DCLK2: variants seen among roughly 807,000 people sequenced by gnomAD.
The protein encoded by DCLK2 is doublecortin like kinase 2, also known as serine/threonine-protein kinase DCLK2.
Under a neutral mutation model 78.4 loss-of-function variants are expected in DCLK2, and 31 were observed. The observed-to-expected ratio is 0.40, with a 90% confidence interval of 0.30 to 0.53. DCLK2 has a LOEUF of 0.53. DCLK2 is among the 20% of genes least tolerant of loss of function. DCLK2 has a pLI of 0.61. For synonymous variants in DCLK2, 407 were observed against 374.9 expected (o/e 1.09, Z -0.99); for missense variants, 872 against 973.7 (o/e 0.90, Z 1.39).
intron 12 of DCLK2, among the ~76,000 whole-genome samples, chr4:150,242,971 A>T (rs890173031): frequency 6.6e-6 from 1 of 152,126 alleles, no homozygotes; most frequent in South Asian, 2.1e-4. Context: ...GGCCAGTTAC[A>T]GTGGAGTTCC....
intron 10 of DCLK2, 25 bp from the exon 11 acceptor site, chr4:150,239,717 G>GA (rs1560900783): frequency 6.2e-7 from 1 of 1,609,688 alleles, no homozygotes; most frequent in Admixed American, 1.7e-5. Flanking sequence ...AAAATCTTCT[G>GA]ATTGTTGGCT....
At chr4:150,163,454 C>A (rs1735851933) in intron 2 of DCLK2, among the ~76,000 whole-genome samples, 1 of 152,088 alleles carries the variant, frequency 6.6e-6, no homozygotes, top group Non-Finnish European at 1.5e-5. Context: ...AAATATCATT[C>A]ATTCCCTTTT....
At chr4:150,208,174 G>A (rs1739989966) in intron 5 of DCLK2, among the ~76,000 whole-genome samples, 1 of 152,176 alleles carries the variant, frequency 6.6e-6, no homozygotes, top group Admixed American at 6.5e-5. Flanking sequence ...GGACAGGGAG[G>A]GAAGCCCAAG....
At chr4:150,142,285 G>A (rs554010341) in intron 2 of DCLK2, among the ~76,000 whole-genome samples, 43 of 152,206 alleles carry the variant, frequency 2.8e-4, no homozygotes, top group Non-Finnish European at 4.9e-4. Context: ...AGTGTCTTAG[G>A]TAGTGTCATC....
At chr4:150,124,335 T>A (rs142559721) in intron 2 of DCLK2, among the ~76,000 whole-genome samples, 13 of 152,312 alleles carry the variant, frequency 8.5e-5, no homozygotes, top group Admixed American at 2.0e-4. Context: ...ATTTAAAATT[T>A]TCTTTTTTTG....
At chr4:150,116,426 A>G (rs1732100015) in intron 2 of DCLK2, among the ~76,000 whole-genome samples, 2 of 152,194 alleles carry the variant, frequency 1.3e-5, no homozygotes, top group South Asian at 4.1e-4. Flanking sequence ...CGGAAAGTTC[A>G]GGGACTCAAG....
chr4:150,080,290 A>G (rs1729159859), intron 1 of DCLK2, among the ~76,000 whole-genome samples: 1 of 152,214 alleles, frequency 6.6e-6, no homozygotes. Flanking sequence ...GACTTATTAA[A>G]AATTAGTAAT....
Position 150,079,006 on chromosome 4 carries a change from G to A in DCLK2, c.-22G>A, listed in dbSNP as rs764861127. 6.6e-7 allele frequency: 1 copy of A among 1,508,758 alleles called. No homozygotes were observed. Among genetic ancestry groups the A allele is most frequent in the Non-Finnish European group, 8.8e-7 (1 of 1,132,126 alleles). 93.5% of individuals were successfully genotyped at this position (1,508,758 alleles called of 1,614,324 possible). On this transcript the variant is annotated 5_prime_UTR_variant, in exon 1 of 16. Coordinates refer to ENST00000296550, the MANE Select transcript of DCLK2 (RefSeq NM_001040260.4). ...TAGTCGGCCCGGAACGTCTTTTTGC[G>A]GACGCCCTCGGAGCAGCCGCGATGG...
At chr4:150,143,096 G>C (rs1314203911) in intron 2 of DCLK2, among the ~76,000 whole-genome samples, 2 of 152,094 alleles carry the variant, frequency 1.3e-5, no homozygotes, top group East Asian at 3.8e-4. Context: ...TATCCATGTG[G>C]CTGCAAAGGA....
chr4:150,250,854 A>ATC (rs1220019174), intron 15 of DCLK2, among the ~76,000 whole-genome samples: 1 of 137,810 alleles, frequency 7.3e-6, no homozygotes. Context: ...CATAACCCAC[A>ATC]TCCCCACACC....
intron 2 of DCLK2, among the ~76,000 whole-genome samples, chr4:150,113,381 T>G (rs748659917): frequency 6.6e-6 from 1 of 152,166 alleles, no homozygotes; most frequent in African/African-American, 2.4e-5. Context: ...CCTAGGTTTT[T>G]TTGTTGTTGT....
At chr4:150,149,100 A>T (rs781332005) in intron 2 of DCLK2, among the ~76,000 whole-genome samples, 17 of 151,810 alleles carry the variant, frequency 1.1e-4, no homozygotes, top group Non-Finnish European at 1.6e-4. Context: ...AAGAAAAGAA[A>T]GAAAGAAAGA....
intron 2 of DCLK2, among the ~76,000 whole-genome samples, chr4:150,132,162 C>T (rs980536297): frequency 1.3e-5 from 2 of 152,292 alleles, no homozygotes; most frequent in Middle Eastern, 3.4e-3. Flanking sequence ...CTGCTATCCC[C>T]TCCTCTTCAC....
At chr4:150,187,365 CTG>C (rs1033620739) in intron 2 of DCLK2, among the ~76,000 whole-genome samples, 4 of 152,188 alleles carry the variant, frequency 2.6e-5, no homozygotes, top group Admixed American at 6.5e-5. Flanking sequence ...TGCTGGTAGA[CTG>C]TGTTCTTTAA....
chr4:150,178,868 C>T (rs973247243), intron 2 of DCLK2, among the ~76,000 whole-genome samples: 7 of 152,096 alleles, frequency 4.6e-5, no homozygotes, highest in African/African-American at 9.7e-5. Context: ...TCTTTCTAAG[C>T]TCACAAATGT....
At chr4:150,081,514 C>A (rs1351716635) in intron 1 of DCLK2, among the ~76,000 whole-genome samples, 1 of 147,320 alleles carries the variant, frequency 6.8e-6, no homozygotes, top group East Asian at 1.9e-4. Flanking sequence ...AGTTGCACAG[C>A]CAAAATTTTT....
At position 150,203,817 on chromosome 4, in the gene DCLK2, A is replaced by C; in HGVS notation, c.984A>C (p.Gln328His). 6.2e-7 allele frequency: 1 copy of C among 1,613,986 alleles called. No individual in the cohort carries two copies. The highest frequency in any genetic ancestry group is 8.5e-7 in the Non-Finnish European group (1 of 1,179,944). ...PASVNGTPSS[Q>H]LSTPKSTKSS... ...CAGTTAATGGAACTCCCAGCAGCCA[A>C]CTTTCTACTCCTAAATCTACGAAAT... Residue 328 changes from glutamine (Q) to histidine (H), a missense_variant, in exon 5 of 16, where the codon CAA becomes CAC. Physicochemically the swap from Gln to His is conservative, Grantham distance 24. Transcript: ENST00000296550.
rs552151557 is a variant in DCLK2, at chr4:150,163,267, A to T, written c.757-29871A>T. 7.2e-5 allele frequency among the ~76,000 whole-genome samples: 11 copies of T among 152,234 alleles called. No homozygotes were observed. The South Asian group carries it at 2.3e-3, about 32-fold the overall frequency. ...ACAAAAATTCACTGGGCGTGGTGGCAGGCACCTATAGTTCCAGCCACTTGG... is the reference window on the plus strand; with the variant it reads ...ACAAAAATTCACTGGGCGTGGTGGCTGGCACCTATAGTTCCAGCCACTTGG... On this transcript the variant is annotated intron_variant, in intron 2 of 15. Coordinates refer to ENST00000296550, the MANE Select transcript of DCLK2 (RefSeq NM_001040260.4).
chr4:150,166,363 A>G (rs553406503), intron 2 of DCLK2, among the ~76,000 whole-genome samples: 3 of 151,974 alleles, frequency 2.0e-5, no homozygotes, highest in African/African-American at 7.2e-5. Context: ...GTGTGGTGGC[A>G]TGCACCTGTG....
Sources: gnomAD v4.1 joint callset for allele counts (sites outside exome capture counted in the v4.1 genomes callset) on GRCh38, gnomAD v4.1.1 for gene constraint, MANE v1.5 for transcripts, NCBI Gene and HGNC (gene_info 2026-07-23, HGNC 2026-07-21) for gene names.